HSD17B11: variants seen among roughly 807,000 people sequenced by gnomAD.
HSD17B11 encodes the protein estradiol 17-beta-dehydrogenase 11.
HSD17B11 carries 22 observed loss-of-function variants against 27.8 expected under a neutral mutation model. The observed-to-expected ratio is 0.79, with a 90% CI of 0.56 to 1.13. The LOEUF is 1.13. Among genes scored for constraint, HSD17B11 ranks in the 50% most tolerant of loss-of-function variants. HSD17B11 has a pLI of 0.00. For synonymous variants in HSD17B11, 117 were observed against 132.8 expected, an observed-to-expected ratio of 0.88 and a Z score of 0.82; for missense variants, 314 against 351.1, an observed-to-expected ratio of 0.89 and a Z score of 0.84.
At chr4:87,367,009 G>C (rs1373277283) in intron 4 of HSD17B11, among the ~76,000 whole-genome samples, 1 of 152,032 alleles carries the variant, frequency 6.6e-6, no homozygotes, top group Admixed American at 6.6e-5. Flanking sequence ...ACAGCTTGCA[G>C]CAATTAAGTA....
intron 4 of HSD17B11, among the ~76,000 whole-genome samples, chr4:87,364,638 A>T (rs2110121112): frequency 6.6e-6 from 1 of 152,312 alleles, no homozygotes; most frequent in African/African-American, 2.4e-5. Flanking sequence ...AAATGGGCTG[A>T]TTGGCTTTAG....
chr4:87,365,325 G>A (rs563361802), intron 4 of HSD17B11, among the ~76,000 whole-genome samples: 4 of 152,186 alleles, frequency 2.6e-5, no homozygotes, highest in East Asian at 1.9e-4. Flanking sequence ...CTTTTTGTTC[G>A]TGTGACTTTA....
At chr4:87,382,073 C>G (rs550017345) in intron 2 of HSD17B11, among the ~76,000 whole-genome samples, 182 bp downstream of exon 2, 2 of 152,236 alleles carry the variant, frequency 1.3e-5, no homozygotes, top group East Asian at 3.9e-4. Context: ...CCAGAACATA[C>G]TAATATTTGA....
At chr4:87,341,975 G>A (rs769083428) in intron 5 of HSD17B11, among the ~76,000 whole-genome samples, 1 of 152,162 alleles carries the variant, frequency 6.6e-6, no homozygotes, top group Admixed American at 6.5e-5. Context: ...TTTTATTAAT[G>A]ACTTAGAAAA....
intron 4 of HSD17B11, among the ~76,000 whole-genome samples, chr4:87,358,030 C>T (rs1329549003): frequency 1.8e-4 from 23 of 129,128 alleles, no homozygotes; most frequent in African/African-American, 6.4e-4. Context: ...GGTGCGATCT[C>T]GGCTCACTGC....
chr4:87,347,116 CTT>C (rs70957224), intron 5 of HSD17B11, among the ~76,000 whole-genome samples: 1 of 44,290 alleles, frequency 2.3e-5, no homozygotes, highest in Admixed American at 2.7e-4. Context: ...TTTTTTTTTT[CTT>C]TTTTTTTTTT....
At chr4:87,339,762 GC>G (rs1261969000) in intron 6 of HSD17B11, among the ~76,000 whole-genome samples, 1 of 152,172 alleles carries the variant, frequency 6.6e-6, no homozygotes, top group Non-Finnish European at 1.5e-5. Context: ...ATCTCTCAAA[GC>G]CCAGGCCACA....
At chr4:87,370,745 TATTATTA>T (rs779982614) in intron 4 of HSD17B11, among the ~76,000 whole-genome samples, 18,333 of 36,208 alleles carry the variant, frequency 0.51, 3,560 homozygotes, top group African/African-American at 0.58. Flanking sequence ...TTATTATTAT[TATTATTA>T]TTATTTTTTT....
At chr4:87,381,734 G>C (rs1266468617) in intron 2 of HSD17B11, among the ~76,000 whole-genome samples, 1 of 145,708 alleles carries the variant, frequency 6.9e-6, no homozygotes, top group African/African-American at 2.6e-5. Flanking sequence ...ACTCCAACCT[G>C]GGTAACAGAG....
intron 5 of HSD17B11, among the ~76,000 whole-genome samples, chr4:87,344,721 T>C (rs1401751958): frequency 6.6e-6 from 1 of 152,090 alleles, no homozygotes; most frequent in African/African-American, 2.4e-5. Context: ...CATGGAAAAT[T>C]TTCTCCCAGG....
In HSD17B11 at chr4:87,382,293, A is replaced by G; in HGVS notation, c.280T>C (p.Cys94Arg). ...GAKVHTFVVD[C>R]SNREDIYSSA... is the part of the protein sequence containing the mutation. ...CTGTAAATATCTTCTCGGTTGCTGCAGTCTACCACAAAGGTATGAACCTTG... is the reference window on the plus strand; with the variant it reads ...CTGTAAATATCTTCTCGGTTGCTGCGGTCTACCACAAAGGTATGAACCTTG... The change falls in exon 2 of 7, where the codon TGC (cysteine) becomes CGC (arginine). Residue 94 changes from cysteine to arginine, a missense_variant. Transcript: ENST00000358290. 1 of 1,613,980 alleles carries G rather than the reference A, an allele frequency of 6.2e-7. No individual in the cohort carries two copies. The highest frequency in any genetic ancestry group is 8.5e-7 in the Non-Finnish European group (1 of 1,179,826).
chr4:87,336,836 C>T lies in HSD17B11; in HGVS notation c.*440G>A, dbSNP rs1188176699. 1 of 166,050 alleles carries T rather than the reference C, an allele frequency of 6.0e-6. No homozygotes were observed. Among genetic ancestry groups the T allele is most frequent in the Non-Finnish European group, 1.3e-5 (1 of 78,074 alleles). The allele number at this position is 166,050 out of a possible 1,614,324, so 10.3% of individuals were successfully genotyped here. A position where few individuals can be genotyped will look rare whatever the true frequency, so the allele number is the denominator to read the frequency against. On this transcript the variant is annotated 3_prime_UTR_variant, in exon 7 of 7. Coordinates refer to ENST00000358290, the MANE Select transcript of HSD17B11 (RefSeq NM_016245.5). ...TCATGATATTCATTGTGAAATACCACTAGATATAGTCCTTCATTTTATTTA... is the reference window on the plus strand; with the variant it reads ...TCATGATATTCATTGTGAAATACCATTAGATATAGTCCTTCATTTTATTTA...
At chr4:87,339,119 G>A (rs1045502415) in intron 6 of HSD17B11, among the ~76,000 whole-genome samples, 1 of 152,182 alleles carries the variant, frequency 6.6e-6, no homozygotes, top group Admixed American at 6.5e-5. Context: ...AGAGCATACA[G>A]TGATGAAAAC....
In HSD17B11 at chr4:87,378,548, C is replaced by A. The variant is rs531774687; in HGVS notation, c.318+3707G>T. On this transcript the variant is annotated intron_variant, in intron 2 of 6. Transcript: ENST00000358290. ...AAATTACTATTATTAATCATTTTTA[C>A]TAACAAAAAATTCTTTATGGCTGCT... Among the ~76,000 whole-genome samples the A allele has an allele frequency of 4.0e-3, 606 of 151,208 alleles. 3 individuals carry two copies. The highest frequency in any genetic ancestry group is 0.014 in the African/African-American group (565 of 41,222).
At position 87,357,378 on chromosome 4, in the gene HSD17B11, A is replaced by G; in HGVS notation, c.596T>C (p.Leu199Ser). 1 of 1,613,750 alleles carries G rather than the reference A, an allele frequency of 6.2e-7. No individual in the cohort carries two copies. The highest frequency in any genetic ancestry group is 8.5e-7 in the Non-Finnish European group (1 of 1,179,906). Residue 199 changes from leucine (L) to serine (S), a missense_variant, in exon 5 of 7, where the codon TTG (leucine) becomes TCG (serine). By Grantham distance (145) the Leu-to-Ser change is moderately radical. Transcript: ENST00000358290. ...TTGTAAGGCAGCCAGTTCATCTGTC[A>G]AAGTTTTATGAAATCCAACAGCAGC... Reference protein sequence around the residue: ...KFAAVGFHKTLTDELAALQIT... With the variant: ...KFAAVGFHKTSTDELAALQIT...
At chr4:87,376,750 T>G (rs571769320) in intron 2 of HSD17B11, among the ~76,000 whole-genome samples, 42 of 152,260 alleles carry the variant, frequency 2.8e-4, no homozygotes, top group Admixed American at 5.9e-4. Flanking sequence ...CAGCTATCAT[T>G]GGTGAAATGA....
chr4:87,377,485 T>A (rs931608971), intron 2 of HSD17B11, among the ~76,000 whole-genome samples: 3 of 152,120 alleles, frequency 2.0e-5, no homozygotes, highest in Non-Finnish European at 4.4e-5. Context: ...AGGGGACCAT[T>A]ACAGGTAATG....
intron 1 of HSD17B11, among the ~76,000 whole-genome samples, chr4:87,388,608 TAG>T (rs1269709237): frequency 6.6e-6 from 1 of 152,226 alleles, no homozygotes; most frequent in African/African-American, 2.4e-5. Context: ...CCCCACCATA[TAG>T]AGTCTTTTAT....
chr4:87,378,107 G>A (rs960235768), intron 2 of HSD17B11, among the ~76,000 whole-genome samples: 6 of 152,108 alleles, frequency 3.9e-5, no homozygotes, highest in Admixed American at 1.3e-4. Flanking sequence ...CTCCTGTAGG[G>A]CATCAATCTG....
Sources: gnomAD v4.1 joint callset for allele counts (sites outside exome capture counted in the v4.1 genomes callset) on GRCh38, gnomAD v4.1.1 for gene constraint, MANE v1.5 for transcripts, NCBI Gene and HGNC (gene_info 2026-07-23, HGNC 2026-07-21) for gene names.